The following ANO10 variants were observed in gnomAD, a reference collection of about 807,000 sequenced individuals.
ANO10 encodes anoctamin-10.
ANO10 carries 77 observed loss-of-function variants against 74.7 expected under a neutral mutation model. The observed-to-expected ratio is 1.03, with a 90% CI of 0.86 to 1.25. The LOEUF is 1.25. ANO10 is among the 50% of genes most tolerant of loss of function. The pLI, the probability that ANO10 is intolerant of heterozygous loss-of-function variation, is 0.00. For missense variants in ANO10, 721 were observed against 778.1 expected (o/e 0.93, Z 0.87); for synonymous variants, 279 against 284.9 (o/e 0.98, Z 0.21).
intron 1 of ANO10, among the ~76,000 whole-genome samples, chr3:43,661,846 G>A (rs1312969758): frequency 1.3e-5 from 2 of 152,190 alleles, no homozygotes; most frequent in Non-Finnish European, 2.9e-5. Flanking sequence ...AATTTATCAA[G>A]AAGAGCTAAC....
chr3:43,371,774 CAG>C (rs1291233150), intron 12 of ANO10, among the ~76,000 whole-genome samples: 14 of 152,282 alleles, frequency 9.2e-5, no homozygotes, highest in African/African-American at 3.4e-4. Context: ...CAGCTAGAGT[CAG>C]GGCAAAAATC....
intron 1 of ANO10, among the ~76,000 whole-genome samples, chr3:43,676,239 A>C (rs544335796): frequency 1.3e-5 from 2 of 152,154 alleles, no homozygotes; most frequent in South Asian, 4.2e-4. Context: ...TGAGAGGATC[A>C]CTTGAGCCTG....
intron 12 of ANO10, among the ~76,000 whole-genome samples, chr3:43,431,119 C>A (rs1425591922): frequency 2.6e-5 from 4 of 151,168 alleles, no homozygotes; most frequent in Non-Finnish European, 4.4e-5. Flanking sequence ...GTTACCCAGG[C>A]GGGAGTGCAG....
intron 11 of ANO10, among the ~76,000 whole-genome samples, chr3:43,535,462 G>A (rs2078672565): frequency 6.6e-6 from 1 of 151,772 alleles, no homozygotes; most frequent in Non-Finnish European, 1.5e-5. Context: ...TTTTAGTAGA[G>A]ACGGGATTTC....
At chr3:43,600,259 T>G in intron 3 of ANO10, 125 bp downstream of exon 3, 1 of 1,130,122 alleles carries the variant, frequency 8.8e-7, no homozygotes, top group Non-Finnish European at 1.3e-6. Context: ...CCACACGGAC[T>G]GCAAAACCTA....
Position 43,598,601 on chromosome 3 carries a change from G to A in ANO10, c.403C>T (p.Leu135Phe). The A allele has an allele frequency of 6.2e-7, 1 of 1,612,046 alleles. No homozygotes were observed. Among genetic ancestry groups the A allele is most frequent in the African/African-American group, 1.3e-5 (1 of 75,002 alleles). The change falls in exon 4 of 13, where the codon CTT (leucine) becomes TTT (phenylalanine). Residue 135 changes from leucine to phenylalanine, a missense_variant. Physicochemically the swap from Leu to Phe is conservative, Grantham distance 22. Transcript: ENST00000292246. Reference sequence around the variant, plus strand: ...ATCATTTTTTCATCTTTAGCTCTAAGATTTTCAAGTTCATGTTTGATAATG... The same window carrying A: ...ATCATTTTTTCATCTTTAGCTCTAAAATTTTCAAGTTCATGTTTGATAATG... ...QFIIKHELENLRAKDEKMIPG... is the reference protein window; with the variant it reads ...QFIIKHELENFRAKDEKMIPG...
intron 1 of ANO10, among the ~76,000 whole-genome samples, chr3:43,621,144 A>G (rs2083372413): frequency 6.6e-6 from 1 of 152,168 alleles, no homozygotes; most frequent in African/African-American, 2.4e-5. Context: ...GCACTTTTTA[A>G]GTCTGGGATC....
At chr3:43,398,161 T>G (rs2092416162) in intron 12 of ANO10, among the ~76,000 whole-genome samples, 1 of 152,216 alleles carries the variant, frequency 6.6e-6, no homozygotes, top group Admixed American at 6.5e-5. Context: ...TAATAAGGTA[T>G]GGAGAGGGTT....
intron 10 of ANO10, among the ~76,000 whole-genome samples, chr3:43,552,980 G>T (rs1262883588): frequency 6.6e-6 from 1 of 151,984 alleles, no homozygotes; most frequent in Non-Finnish European, 1.5e-5. Flanking sequence ...TTTTGGTAGA[G>T]ATGGGGTTTC....
intron 11 of ANO10, among the ~76,000 whole-genome samples, chr3:43,545,739 A>G (rs1297993503): frequency 6.6e-6 from 1 of 152,208 alleles, no homozygotes; most frequent in Non-Finnish European, 1.5e-5. Flanking sequence ...TGACAAATAA[A>G]AATTGAAATA....
intron 11 of ANO10, among the ~76,000 whole-genome samples, chr3:43,529,678 G>A (rs2078370341): frequency 6.6e-6 from 1 of 152,016 alleles, no homozygotes; most frequent in African/African-American, 2.4e-5. Context: ...AGAAAAGGGA[G>A]AAAGCAGAAT....
intron 11 of ANO10, among the ~76,000 whole-genome samples, chr3:43,545,581 G>C (rs148828178): frequency 0.024 from 3,590 of 152,044 alleles, 147 homozygotes; most frequent in African/African-American, 0.081. Flanking sequence ...GACCAGGCTG[G>C]TCTCGAACTC....
chr3:43,568,972 A>T (rs1268861049), intron 7 of ANO10, among the ~76,000 whole-genome samples: 1 of 141,294 alleles, frequency 7.1e-6, no homozygotes, highest in Non-Finnish European at 1.5e-5. Context: ...GAGAAGAATC[A>T]AATAGACGCA....
rs768946049 is a variant in ANO10 at position 43,679,128 on chromosome 3, G to A, written c.-12+12389C>T. On this transcript the variant is annotated intron_variant, in intron 1 of 3. Coordinates refer to the ANO10 transcript ENST00000413397. ...GGGTGCAGTGCACCAAGTGTGAGCCGAAGCAGGGCGAGGCATCGCCTCACC... is the reference window on the plus strand; with the variant it reads ...GGGTGCAGTGCACCAAGTGTGAGCCAAAGCAGGGCGAGGCATCGCCTCACC... 9.2e-5 allele frequency among the ~76,000 whole-genome samples: 14 copies of A among 152,320 alleles called. No homozygotes were observed. In the South Asian group the frequency reaches 2.3e-3, roughly 25 times the overall value.
intron 4 of ANO10, among the ~76,000 whole-genome samples, chr3:43,587,319 C>T (rs1215300712): frequency 6.6e-6 from 1 of 152,100 alleles, no homozygotes; most frequent in Non-Finnish European, 1.5e-5. Flanking sequence ...CAATAAAGAA[C>T]CAAGACCTGG....
intron 11 of ANO10, among the ~76,000 whole-genome samples, chr3:43,523,730 A>G (rs1378068419): frequency 1.3e-5 from 2 of 152,204 alleles, no homozygotes; most frequent in Non-Finnish European, 2.9e-5. Flanking sequence ...AGTGAAAGCA[A>G]CGAAGGTAAA....
intron 1 of ANO10, among the ~76,000 whole-genome samples, chr3:43,679,085 C>G (rs1400591861): frequency 2.0e-5 from 3 of 152,100 alleles, no homozygotes; most frequent in African/African-American, 7.2e-5. Flanking sequence ...GAGTGTCGGA[C>G]AGTGGGTGCA....
chr3:43,569,043 GAAT>G (rs1453464078), intron 7 of ANO10, among the ~76,000 whole-genome samples: 1 of 136,202 alleles, frequency 7.3e-6, no homozygotes, highest in Non-Finnish European at 1.6e-5. Flanking sequence ...TACCATCAGA[GAAT>G]ACTACAAACA....
intron 11 of ANO10, among the ~76,000 whole-genome samples, chr3:43,436,632 A>G (rs2093071598): frequency 2.0e-5 from 3 of 152,186 alleles, no homozygotes; most frequent in Non-Finnish European, 4.4e-5. Flanking sequence ...AGAGAAAATT[A>G]GCACTCAGAA....
Sources: gnomAD v4.1 joint callset for allele counts (sites outside exome capture counted in the v4.1 genomes callset) on GRCh38, gnomAD v4.1.1 for gene constraint, MANE v1.5 for transcripts, NCBI Gene and HGNC (gene_info 2026-07-23, HGNC 2026-07-21) for gene names.